The following VOPP1 variants were observed in gnomAD, a reference collection of about 807,000 sequenced individuals.
VOPP1 encodes the protein WW domain binding protein VOPP1.
In VOPP1, 8 loss-of-function variants were observed where a neutral mutation model predicts 23.5. The ratio of observed to expected loss-of-function variants is 0.34; its 90% CI spans 0.20 to 0.61. VOPP1 has a LOEUF of 0.61. Ranked by LOEUF, VOPP1 falls within the 20% of genes least tolerant of loss-of-function variation. The pLI is 0.78. For missense variants in VOPP1, 174 were observed against 238.1 expected (o/e 0.73, Z 1.77); for synonymous variants, 83 against 97.3 (o/e 0.85, Z 0.86).
intron 2 of VOPP1, among the ~76,000 whole-genome samples, chr7:55,503,073 T>C (rs1445811724): frequency 6.6e-6 from 1 of 152,242 alleles, no homozygotes; most frequent in African/African-American, 2.4e-5. Context: ...CAAGTATTCC[T>C]TACTGTACCC....
intron 1 of VOPP1, among the ~76,000 whole-genome samples, chr7:55,571,134 C>G (rs1584142702): frequency 6.6e-6 from 1 of 152,036 alleles, no homozygotes; most frequent in South Asian, 2.1e-4. Context: ...AGAATGCAAG[C>G]AGAGGCACTC....
intron 1 of VOPP1, among the ~76,000 whole-genome samples, chr7:55,524,622 G>A (rs1447618899): frequency 2.6e-5 from 4 of 152,298 alleles, no homozygotes; most frequent in Admixed American, 6.5e-5. Context: ...ACTGAAAAAC[G>A]CCAAAATGAG....
chr7:55,557,240 C>A (rs1797840611), intron 1 of VOPP1, among the ~76,000 whole-genome samples: 1 of 152,120 alleles, frequency 6.6e-6, no homozygotes, highest in Non-Finnish European at 1.5e-5. Flanking sequence ...GCCCCAGTCT[C>A]CTGAGCCACA....
At chr7:55,536,707 T>C (rs549777339) in intron 1 of VOPP1, among the ~76,000 whole-genome samples, 3 of 152,156 alleles carry the variant, frequency 2.0e-5, no homozygotes, top group East Asian at 1.9e-4. Context: ...ATGACACTGA[T>C]ATAAAAACAA....
At chr7:55,518,869 T>C (rs1272701245) in intron 2 of VOPP1, among the ~76,000 whole-genome samples, 1 of 152,148 alleles carries the variant, frequency 6.6e-6, no homozygotes, top group Admixed American at 6.5e-5. Flanking sequence ...ACGTGAGAAC[T>C]GGACAGGAGA....
intron 1 of VOPP1, among the ~76,000 whole-genome samples, chr7:55,561,303 C>G (rs1373414653): frequency 2.6e-5 from 4 of 152,132 alleles, no homozygotes; most frequent in African/African-American, 9.7e-5. Flanking sequence ...TTCCTCACAT[C>G]CCCACTCCCC....
At chr7:55,468,145 C>T (rs1313475541), downstream of VOPP1, among the ~76,000 whole-genome samples, 5 of 151,956 alleles carry the variant, frequency 3.3e-5, no homozygotes, top group Non-Finnish European at 7.4e-5. Context: ...GTGGCATGTG[C>T]CTGTAGTCCC....
intron 1 of VOPP1, among the ~76,000 whole-genome samples, chr7:55,560,105 A>T (rs1797937075): frequency 6.6e-6 from 1 of 152,202 alleles, no homozygotes; most frequent in Non-Finnish European, 1.5e-5. Context: ...GTGAGCCAAG[A>T]TCATGCCACT....
At chr7:55,449,687 G>C (rs979505481) in intron 4 of VOPP1, among the ~76,000 whole-genome samples, 2 of 152,182 alleles carry the variant, frequency 1.3e-5, no homozygotes, top group East Asian at 3.9e-4. Flanking sequence ...GGTTCCTGCA[G>C]AGGCGTTCTG....
chr7:55,443,574 A>AAC (rs1791021541), intron 4 of VOPP1, among the ~76,000 whole-genome samples: 1 of 151,650 alleles, frequency 6.6e-6, no homozygotes, highest in African/African-American at 2.4e-5. Context: ...ACAAAACCAA[A>AAC]CAAACAAACA....
chr7:55,550,441 T>C (rs999003056), intron 1 of VOPP1, among the ~76,000 whole-genome samples: 3 of 152,210 alleles, frequency 2.0e-5, no homozygotes, highest in African/African-American at 7.2e-5. Flanking sequence ...GAATATAAAT[T>C]TGGTTTGAAA....
intron 1 of VOPP1, 28 bp from the exon 2 acceptor site, chr7:55,521,158 T>TC: frequency 3.9e-6 from 6 of 1,558,356 alleles, no homozygotes; most frequent in Non-Finnish European, 5.2e-6. Context: ...AAAAAGTTTG[T>TC]CAGTACTCAG....
chr7:55,493,448 T>C (rs1009644476), intron 3 of VOPP1, among the ~76,000 whole-genome samples: 1 of 152,256 alleles, frequency 6.6e-6, no homozygotes, highest in Admixed American at 6.5e-5. Context: ...GAGCGTACGA[T>C]AAAGCCTTTG....
intron 2 of VOPP1, among the ~76,000 whole-genome samples, chr7:55,511,680 A>G (rs556361987): frequency 8.5e-5 from 13 of 152,318 alleles, no homozygotes; most frequent in Admixed American, 2.6e-4. Flanking sequence ...ACTCAAAAGA[A>G]TGCAACCACT....
At chr7:55,483,555 C>T (rs1015843690) in intron 4 of VOPP1, among the ~76,000 whole-genome samples, 7 of 152,136 alleles carry the variant, frequency 4.6e-5, no homozygotes, top group African/African-American at 9.7e-5. Context: ...GTGCCTCTTA[C>T]AGCTCTCTCT....
At chr7:55,524,427 T>C (rs1456789598) in intron 1 of VOPP1, among the ~76,000 whole-genome samples, 2 of 152,226 alleles carry the variant, frequency 1.3e-5, no homozygotes, top group Non-Finnish European at 2.9e-5. Context: ...GTTTGAAATT[T>C]GCTAATATCC....
chr7:55,569,942 T>C (rs2129058056), intron 1 of VOPP1, among the ~76,000 whole-genome samples: 1 of 152,224 alleles, frequency 6.6e-6, no homozygotes, highest in South Asian at 2.1e-4. Context: ...TCAGGTGGTT[T>C]ATGATCAACC....
At chr7:55,524,751 G>A (rs1796068291) in intron 1 of VOPP1, among the ~76,000 whole-genome samples, 1 of 152,150 alleles carries the variant, frequency 6.6e-6, no homozygotes. Context: ...CTCGTGATGG[G>A]AATGGAGACC....
chr7:55,519,092 C>T (rs2129040287), intron 2 of VOPP1, among the ~76,000 whole-genome samples: 1 of 152,296 alleles, frequency 6.6e-6, no homozygotes, highest in Middle Eastern at 3.4e-3. Flanking sequence ...ATGCCGGGGC[C>T]TGGAGTAAGT....
Sources: allele counts gnomAD v4.1 joint callset (sites outside exome capture counted in the v4.1 genomes callset), GRCh38; gene constraint gnomAD v4.1.1; transcripts MANE v1.5; gene names NCBI Gene and HGNC (gene_info 2026-07-23, HGNC 2026-07-21).